Variants in ZFHX3 observed in about 807,000 individuals in gnomAD.
The protein encoded by ZFHX3 is zinc finger homeobox 3, also known as zinc finger homeobox protein 3.
ZFHX3 carries 42 observed loss-of-function variants against 279.1 expected under a neutral mutation model. The observed-to-expected ratio is 0.15, with a 90% confidence interval of 0.12 to 0.19. The LOEUF is 0.19. Among genes scored for constraint, ZFHX3 ranks in the 10% least tolerant of loss-of-function variants. ZFHX3 has a pLI of 1.00. For missense variants in ZFHX3, 4,981 were observed against 4,754.0 expected (o/e 1.05, Z -1.40); for synonymous variants, 2,293 against 1,957.8 (o/e 1.17, Z -4.52).
chr16:73,765,409 T>C (rs1335155189), intron 1 of ZFHX3, among the ~76,000 whole-genome samples: 1 of 152,212 alleles, frequency 6.6e-6, no homozygotes. Context: ...AATCTGATCT[T>C]ATACACTGAT....
At chr16:73,706,568 T>C (rs1330873276) in intron 1 of ZFHX3, among the ~76,000 whole-genome samples, 1 of 151,972 alleles carries the variant, frequency 6.6e-6, no homozygotes, top group Non-Finnish European at 1.5e-5. Flanking sequence ...CTTGAAATAA[T>C]ATTCAAGGCT....
intron 1 of ZFHX3, among the ~76,000 whole-genome samples, chr16:73,824,411 T>A (rs1457860480): frequency 8.4e-4 from 126 of 150,348 alleles, no homozygotes; most frequent in Middle Eastern, 3.4e-3. Flanking sequence ...TTTTTTTTTT[T>A]TTATTATACT....
intron 1 of ZFHX3, among the ~76,000 whole-genome samples, chr16:72,969,987 C>T (rs189066427): frequency 3.4e-4 from 52 of 152,306 alleles, no homozygotes; most frequent in Admixed American, 9.2e-4. Context: ...TCGCCCAGGC[C>T]GTGGGCCTCC....
chr16:73,592,235 C>G (rs1185645945), intron 2 of ZFHX3, among the ~76,000 whole-genome samples: 1 of 151,466 alleles, frequency 6.6e-6, no homozygotes, highest in African/African-American at 2.4e-5. Context: ...TGTCTCAAAA[C>G]AAACAAACGA....
chr16:72,855,303 C>T (rs1333576113), intron 4 of ZFHX3, among the ~76,000 whole-genome samples: 1 of 152,216 alleles, frequency 6.6e-6, no homozygotes, highest in African/African-American at 2.4e-5. Flanking sequence ...CAGGATCCCC[C>T]AACGCTGGAG....
At chr16:73,209,417 G>A (rs1597221242) in intron 5 of ZFHX3, among the ~76,000 whole-genome samples, 1 of 152,162 alleles carries the variant, frequency 6.6e-6, no homozygotes, top group Non-Finnish European at 1.5e-5. Flanking sequence ...CTGGTGTCTG[G>A]TGAGAGCCTG....
chr16:73,240,338 C>T (rs1394270972), intron 5 of ZFHX3, among the ~76,000 whole-genome samples: 1 of 152,024 alleles, frequency 6.6e-6, no homozygotes, highest in Non-Finnish European at 1.5e-5. Context: ...CCAGCCTCAG[C>T]CTCCCGAGTA....
At chr16:73,761,724 G>A (rs1213210375) in intron 1 of ZFHX3, among the ~76,000 whole-genome samples, 2 of 152,182 alleles carry the variant, frequency 1.3e-5, no homozygotes, top group East Asian at 3.9e-4. Context: ...ACAAAAACAA[G>A]AAATGGGAAA....
At chr16:73,241,946 C>G (rs1643960139) in intron 5 of ZFHX3, among the ~76,000 whole-genome samples, 1 of 152,100 alleles carries the variant, frequency 6.6e-6, no homozygotes. Context: ...GAGAACTGCT[C>G]TCTCTTCTGT....
At chr16:73,282,326 G>C (rs1447717330) in intron 4 of ZFHX3, among the ~76,000 whole-genome samples, 2 of 152,060 alleles carry the variant, frequency 1.3e-5, no homozygotes, top group African/African-American at 4.8e-5. Context: ...ATTTTTCTTT[G>C]TTTTCAAGGT....
At chr16:73,317,561 A>C (rs947317572) in intron 4 of ZFHX3, among the ~76,000 whole-genome samples, 1 of 152,168 alleles carries the variant, frequency 6.6e-6, no homozygotes, top group Non-Finnish European at 1.5e-5. Context: ...TACACTCAGA[A>C]GAAATTAAAC....
chr16:73,010,256 A>G (rs554089031), intron 1 of ZFHX3, among the ~76,000 whole-genome samples: 2 of 152,240 alleles, frequency 1.3e-5, no homozygotes, highest in East Asian at 3.9e-4. Context: ...GTGGGGAAGG[A>G]AACTGTGCCA....
intron 4 of ZFHX3, among the ~76,000 whole-genome samples, chr16:72,857,335 A>G (rs1260916817): frequency 6.6e-6 from 1 of 152,232 alleles, no homozygotes; most frequent in Non-Finnish European, 1.5e-5. Flanking sequence ...GACCAGCCCC[A>G]TTTGGGTTTC....
intron 4 of ZFHX3, among the ~76,000 whole-genome samples, chr16:73,274,079 C>T (rs904691470): frequency 3.9e-5 from 6 of 151,900 alleles, no homozygotes; most frequent in Admixed American, 2.0e-4. Flanking sequence ...AGGAGGTGGA[C>T]GTTGCAGTGA....
At chr16:73,426,269 G>A (rs546965742) in intron 3 of ZFHX3, among the ~76,000 whole-genome samples, 23 of 152,332 alleles carry the variant, frequency 1.5e-4, no homozygotes, top group African/African-American at 5.5e-4. Context: ...TGGAGTCAGG[G>A]AGGACAAAGC....
chr16:73,431,442 G>A (rs2017909635), intron 3 of ZFHX3, among the ~76,000 whole-genome samples: 1 of 152,134 alleles, frequency 6.6e-6, no homozygotes, highest in South Asian at 2.1e-4. Context: ...TCAGTAGGCT[G>A]AGGCGGCAGA....
intron 4 of ZFHX3, among the ~76,000 whole-genome samples, chr16:72,837,029 C>T (rs938191471): frequency 5.3e-5 from 8 of 152,164 alleles, no homozygotes; most frequent in South Asian, 4.1e-4. Flanking sequence ...TTGCTCTCTG[C>T]GTGTATGATA....
At chr16:73,530,357 C>T (rs2019776996) in intron 2 of ZFHX3, among the ~76,000 whole-genome samples, 1 of 152,104 alleles carries the variant, frequency 6.6e-6, no homozygotes, top group African/African-American at 2.4e-5. Flanking sequence ...GGGGACACAG[C>T]CAAACAATAT....
chr16:73,603,067 C>T (rs960697898), intron 2 of ZFHX3, among the ~76,000 whole-genome samples: 3 of 151,844 alleles, frequency 2.0e-5, no homozygotes, highest in Admixed American at 6.6e-5. Flanking sequence ...GGGTGGATCA[C>T]GAGGTCAGGA....
Sources: gnomAD v4.1 joint callset for allele counts (sites outside exome capture counted in the v4.1 genomes callset) on GRCh38, gnomAD v4.1.1 for gene constraint, MANE v1.5 for transcripts, NCBI Gene and HGNC (gene_info 2026-07-23, HGNC 2026-07-21) for gene names.